Variants in MYO5A observed in about 807,000 individuals in gnomAD.
MYO5A encodes the protein myosin VA.
MYO5A carries 98 observed loss-of-function variants against 249.7 expected under a neutral mutation model. The observed-to-expected ratio is 0.39, with a 90% CI of 0.33 to 0.46. The LOEUF (loss-of-function observed/expected upper bound fraction) is 0.46. MYO5A is among the 20% of genes least tolerant of loss of function. The pLI is 0.98. For missense variants in MYO5A, 1,696 were observed against 2,308.8 expected, an observed-to-expected ratio of 0.73 and a Z score of 5.44; for synonymous variants, 778 against 810.6, an observed-to-expected ratio of 0.96 and a Z score of 0.68.
At position 52,425,782 on chromosome 15, in the gene MYO5A, A is replaced by G. The variant is rs764674235; in HGVS notation, c.455+48T>C. The G allele has an allele frequency of 3.1e-5, 50 of 1,598,386 alleles. 1 individual carries two copies. The South Asian group carries it at 5.2e-4, about 17-fold the overall frequency. ...ATATGTGACTTAGCAAGAAGAAATT[A>G]TCATATCTAATAACTGCCATAAAAT... On this transcript the variant is annotated intron_variant, in intron 4 of 41. Coordinates refer to ENST00000399233, the MANE Select transcript of MYO5A (RefSeq NM_001382347.1).
chr15:52,397,015 T>C (rs1039966309), intron 10 of MYO5A, among the ~76,000 whole-genome samples, 186 bp downstream of exon 10: 2 of 152,212 alleles, frequency 1.3e-5, no homozygotes, highest in Non-Finnish European at 2.9e-5. Context: ...CTATTTTTTT[T>C]TGTTTTAGTT....
intron 4 of MYO5A, among the ~76,000 whole-genome samples, chr15:52,419,154 T>C (rs954998367): frequency 2.6e-5 from 4 of 152,238 alleles, no homozygotes; most frequent in Admixed American, 1.3e-4. Flanking sequence ...AGTGTTGTCA[T>C]GTACCTTGAT....
chr15:52,343,839 C>A (rs779000372), intron 30 of MYO5A, among the ~76,000 whole-genome samples: 1 of 152,128 alleles, frequency 6.6e-6, no homozygotes, highest in Non-Finnish European at 1.5e-5. Flanking sequence ...TTATTAAAAA[C>A]GTATAATTAG....
chr15:52,315,817 A>G (rs1339573748), intron 40 of MYO5A, among the ~76,000 whole-genome samples: 3 of 150,444 alleles, frequency 2.0e-5, no homozygotes, highest in Non-Finnish European at 4.4e-5. Context: ...ATGCCCGGCT[A>G]ATTTTTGTAT....
intron 21 of MYO5A, 138 bp downstream of exon 21, chr15:52,371,986 A>G: frequency 4.1e-6 from 5 of 1,223,812 alleles, no homozygotes; most frequent in Non-Finnish European, 5.9e-6. Context: ...TTCCATGCCC[A>G]TTATGGAAAT....
In MYO5A at chr15:52,399,843, T is replaced by C. The variant is rs1001374697; in HGVS notation, c.1054-2377A>G. 5.3e-5 allele frequency among the ~76,000 whole-genome samples: 8 copies of C among 152,254 alleles called. No homozygotes were observed. In the East Asian group the frequency reaches 9.6e-4, roughly 18 times the overall value. ...CCTCTCTTGTATTCCCCTGTGTCTATTGTTCCCATTTATGACCATGTGCAC... is the reference window on the plus strand; with the variant it reads ...CCTCTCTTGTATTCCCCTGTGTCTACTGTTCCCATTTATGACCATGTGCAC... On this transcript the variant is annotated intron_variant, in intron 9 of 41. Transcript: ENST00000399233.
chr15:52,340,286 C>T lies in MYO5A; in HGVS notation c.4149G>A (p.Gln1383=), dbSNP rs1375336763. The change falls in exon 32 of 42, where the codon CAG becomes CAA. Residue 1383 remains glutamine, a synonymous_variant. Transcript: ENST00000399233. The stretch of plus-strand genomic sequence containing the variant: ...GCAGCTGCAGGTTCTGGGCCAGCAG[C>T]TGCTGCTGTCGGTTGTTCTCCTCCT... ...SLKEENNRQQ[Q]LLAQNLQLPP... 6.2e-6 allele frequency: 10 copies of T among 1,614,082 alleles called. No homozygotes were observed. Among genetic ancestry groups the T allele is most frequent in the South Asian group, 1.1e-5 (1 of 91,084 alleles).
At chr15:52,383,324 G>A (rs530454207) in intron 15 of MYO5A, 136 bp from the exon 16 acceptor site, 2 of 740,058 alleles carry the variant, frequency 2.7e-6, no homozygotes, top group East Asian at 2.6e-5. Context: ...ATCTTCAGAA[G>A]AGGAGCTGCC....
At position 52,310,567 on chromosome 15, in the gene MYO5A, T is replaced by C. The variant is rs995068417; in HGVS notation, c.*3129A>G. The C allele has an allele frequency of 4.6e-5, 7 of 152,238 alleles. No homozygotes were observed. The highest frequency in any genetic ancestry group is 1.7e-4 in the African/African-American group (7 of 41,448). The allele number at this position is 152,238 out of a possible 1,614,324, so 9.4% of individuals were successfully genotyped here. ...GCAGAGAAGTAAGAACAACAAGGAC[T>C]GTGCAAAGATTGGGCTGATGGTAAG... On this transcript the variant is annotated 3_prime_UTR_variant, in exon 42 of 42. Coordinates refer to ENST00000399233, the MANE Select transcript of MYO5A (RefSeq NM_001382347.1).
At chr15:52,422,967 C>G (rs1224331772) in intron 4 of MYO5A, among the ~76,000 whole-genome samples, 1 of 152,186 alleles carries the variant, frequency 6.6e-6, no homozygotes, top group East Asian at 1.9e-4. Context: ...TCACTGTAAT[C>G]CTGAACTCCG....
intron 1 of MYO5A, among the ~76,000 whole-genome samples, chr15:52,490,904 A>G (rs1046963500): frequency 6.6e-6 from 1 of 151,914 alleles, no homozygotes; most frequent in African/African-American, 2.4e-5. Context: ...TATTTTTTGT[A>G]TAGACGGGGT....
Position 52,343,158 on chromosome 15 carries a change from T to G in MYO5A, c.3999A>C (p.Gly1333=). The change falls in exon 31 of 42, where the codon GGA becomes GGC. Residue 1333 remains glycine, a synonymous_variant. Transcript: ENST00000399233. ...ACCCTTCATAAACCAGCCACAGCTCTCCATCCTCATTCAACTCATGGTAAT... is the reference window on the plus strand; with the variant it reads ...ACCCTTCATAAACCAGCCACAGCTCGCCATCCTCATTCAACTCATGGTAAT... ...ALDYHELNED[G]ELWLVYEGLK... is the part of the protein sequence containing the mutation. 2 of 1,613,988 alleles carry G rather than the reference T, an allele frequency of 1.2e-6. No homozygotes were observed. The highest frequency in any genetic ancestry group is 1.7e-6 in the Non-Finnish European group (2 of 1,179,848).
chr15:52,393,880 A>G (rs2042371763), intron 11 of MYO5A, among the ~76,000 whole-genome samples: 1 of 152,196 alleles, frequency 6.6e-6, no homozygotes, highest in African/African-American at 2.4e-5. Context: ...CTTCCAAAAC[A>G]ATGTGCTCTG....
At chr15:52,392,118 A>G (rs1489307189) in intron 11 of MYO5A, 48 bp from the exon 12 acceptor site, 2 of 1,560,040 alleles carry the variant, frequency 1.3e-6, no homozygotes. Context: ...CATTGTAACA[A>G]AGAATGTAGT....
intron 25 of MYO5A, among the ~76,000 whole-genome samples, chr15:52,357,758 T>C (rs2040317237): frequency 6.6e-6 from 1 of 152,130 alleles, no homozygotes; most frequent in Non-Finnish European, 1.5e-5. Context: ...AGAAGGAAGA[T>C]TGGGCCATCT....
At chr15:52,479,393 A>G (rs1487679015) in intron 1 of MYO5A, among the ~76,000 whole-genome samples, 1 of 151,974 alleles carries the variant, frequency 6.6e-6, no homozygotes, top group East Asian at 1.9e-4. Context: ...ATTTTTTTCG[A>G]TATTTCTAGG....
chr15:52,468,510 A>AT lies in MYO5A; in HGVS notation c.28-35226dup, dbSNP rs913922404. Among the ~76,000 whole-genome samples, 6 of 151,902 alleles carry AT rather than the reference A, an allele frequency of 3.9e-5. 1 individual carries two copies. Among genetic ancestry groups the AT allele is most frequent in the African/African-American group, 1.4e-4 (6 of 41,404 alleles). On this transcript the variant is annotated intron_variant, in intron 1 of 41. Transcript: ENST00000399233. The stretch of plus-strand genomic sequence containing the variant: ...CCGTCTCTACAAAAATGTAAAAAAA[A>AT]TTTTTTTTAATTAGCTGGGTGTGGT...
At chr15:52,437,261 A>C (rs1189788274) in intron 1 of MYO5A, among the ~76,000 whole-genome samples, 2 of 152,190 alleles carry the variant, frequency 1.3e-5, no homozygotes, top group Non-Finnish European at 2.9e-5. Flanking sequence ...TTTCTCTGGA[A>C]GGCACTACTG....
At position 52,357,736 on chromosome 15, in the gene MYO5A, A is replaced by C. The variant is rs141741809; in HGVS notation, c.3423+2232T>G. On this transcript the variant is annotated intron_variant, in intron 25 of 41. Coordinates refer to ENST00000399233, the MANE Select transcript of MYO5A (RefSeq NM_001382347.1). ...CAAATTAAAGAGCTGTCCTCACTAT[A>C]CCCCATGAGCAAGAAGGAAGATTGG... Among the ~76,000 whole-genome samples the C allele has an allele frequency of 7.8e-3, 1,185 of 152,258 alleles. 15 individuals are homozygous for C. Among genetic ancestry groups the C allele is most frequent in the African/African-American group, 0.027 (1,136 of 41,534 alleles).
Sources: gnomAD v4.1 joint callset for allele counts (sites outside exome capture counted in the v4.1 genomes callset) on GRCh38, gnomAD v4.1.1 for gene constraint, MANE v1.5 for transcripts, NCBI Gene and HGNC (gene_info 2026-07-23, HGNC 2026-07-21) for gene names.